Variants in RAB21 observed in about 807,000 individuals in gnomAD.
The protein encoded by RAB21 is RAB21, member RAS oncogene family.
RAB21 carries 13 observed loss-of-function variants against 33.1 expected under a neutral mutation model. That is an observed-to-expected ratio of 0.39 (90% CI 0.26 to 0.62). RAB21 has a LOEUF of 0.62. Ranked by LOEUF, RAB21 falls within the 20% of genes least tolerant of loss-of-function variation. RAB21 has a pLI of 0.48. For missense variants in RAB21, 234 were observed against 279.1 expected, an observed-to-expected ratio of 0.84 and a Z score of 1.15; for synonymous variants, 91 against 103.7, an observed-to-expected ratio of 0.88 and a Z score of 0.74.
chr12:71,759,848 A>G (rs915931118), intron 1 of RAB21, among the ~76,000 whole-genome samples: 2 of 152,208 alleles, frequency 1.3e-5, no homozygotes, highest in African/African-American at 2.4e-5. Flanking sequence ...TCTTACTCCC[A>G]CTTCATAGCC....
intron 1 of RAB21, among the ~76,000 whole-genome samples, chr12:71,763,413 G>A: frequency 6.6e-6 from 1 of 151,894 alleles, no homozygotes. Flanking sequence ...TTTTTTCCCT[G>A]TTATTTCTCT....
At chr12:71,783,809 G>A (rs1358753343) in intron 6 of RAB21, among the ~76,000 whole-genome samples, 5 of 152,138 alleles carry the variant, frequency 3.3e-5, no homozygotes, top group African/African-American at 1.2e-4. Context: ...AAGCACCCAA[G>A]TGGTGGTGAT....
rs536600569 is a variant in RAB21, at chr12:71,797,786, A to G, written c.*12113A>G. 7.1e-6 allele frequency: 1 copy of G among 140,344 alleles called. No individual in the cohort carries two copies. Among genetic ancestry groups the G allele is most frequent in the South Asian group, 2.4e-4 (1 of 4,208 alleles). 8.7% of individuals were successfully genotyped at this position (140,344 alleles called of 1,614,324 possible). A position where few individuals can be genotyped will look rare whatever the true frequency, so the allele number is the denominator to read the frequency against. On this transcript the variant is annotated 3_prime_UTR_variant, in exon 7 of 7. Coordinates refer to ENST00000261263, the MANE Select transcript of RAB21 (RefSeq NM_014999.4). Reference sequence around the variant, plus strand: ...TCAAGCAGAAGGAAAATGAACCCAGATATGGGAATTTAGTGGAGGAGAAGT... The same window carrying G: ...TCAAGCAGAAGGAAAATGAACCCAGGTATGGGAATTTAGTGGAGGAGAAGT...
At chr12:71,757,843 A>G (rs1882807950) in intron 1 of RAB21, among the ~76,000 whole-genome samples, 2 of 152,190 alleles carry the variant, frequency 1.3e-5, no homozygotes, top group Admixed American at 6.5e-5. Context: ...ACATTCTCAT[A>G]CATTTCAAAG....
chr12:71,776,180 A>G (rs1427467692), intron 4 of RAB21, among the ~76,000 whole-genome samples: 1 of 152,230 alleles, frequency 6.6e-6, no homozygotes, highest in Non-Finnish European at 1.5e-5. Flanking sequence ...GAAGATAGAA[A>G]TTACTAACAC....
intron 1 of RAB21, among the ~76,000 whole-genome samples, chr12:71,757,048 C>A (rs1346114281): frequency 6.6e-6 from 1 of 152,138 alleles, no homozygotes. Flanking sequence ...TGATAAATAA[C>A]CCATCTAGTG....
intron 1 of RAB21, among the ~76,000 whole-genome samples, chr12:71,759,651 T>G (rs543743548): frequency 6.6e-6 from 1 of 152,356 alleles, no homozygotes; most frequent in Non-Finnish European, 1.5e-5. Context: ...AAACATTTAC[T>G]CCAGCATTAC....
intron 4 of RAB21, among the ~76,000 whole-genome samples, chr12:71,774,576 TA>T (rs1370124112): frequency 6.6e-6 from 1 of 151,626 alleles, no homozygotes; most frequent in African/African-American, 2.4e-5. Flanking sequence ...CTGGCCAACA[TA>T]GTGAAACCCC....
In RAB21 at chr12:71,790,932, A is replaced by G. The variant is rs1883372252; in HGVS notation, c.*5259A>G. The G allele has an allele frequency of 6.6e-6, 1 of 151,466 alleles. No individual in the cohort carries two copies. The highest frequency in any genetic ancestry group is 2.4e-5 in the African/African-American group (1 of 41,196). The allele number at this position is 151,466 out of a possible 1,614,324, so 9.4% of individuals were successfully genotyped here. On this transcript the variant is annotated 3_prime_UTR_variant, in exon 7 of 7. Coordinates refer to ENST00000261263, the MANE Select transcript of RAB21 (RefSeq NM_014999.4). ...ATAGCCTCTGACTCCATGAAACCTG[A>G]AAAGGAATCTGGTCTGTTAGGTGGA... is the stretch of plus-strand genomic sequence containing the variant.
chr12:71,777,252 G>C (rs747449445), intron 4 of RAB21, among the ~76,000 whole-genome samples: 3 of 151,894 alleles, frequency 2.0e-5, no homozygotes, highest in Non-Finnish European at 4.4e-5. Flanking sequence ...CCTTTTTACT[G>C]CATGAATTAG....
In RAB21 at chr12:71,755,287, A is replaced by G. The variant is rs780785806; in HGVS notation, c.158A>G (p.Gln53Arg). 1 of 1,518,910 alleles carries G rather than the reference A, an allele frequency of 6.6e-7. No homozygotes were observed. Among genetic ancestry groups the G allele is most frequent in the Non-Finnish European group, 8.8e-7 (1 of 1,137,286 alleles). 94.1% of individuals were successfully genotyped at this position (1,518,910 alleles called of 1,614,324 possible). The change falls in exon 1 of 7, where the codon CAG becomes CGG. Residue 53 changes from glutamine to arginine, a missense_variant and splice_region_variant. Physicochemically the swap from Gln to Arg is conservative, Grantham distance 43. Coordinates refer to ENST00000261263, the MANE Select transcript of RAB21 (RefSeq NM_014999.4). ...AACGACAAGCACATCACCACTCTGC[A>G]GGTGCGGACCTCGGGGAGCGGGAGG... The part of the protein sequence containing the change: ...KFNDKHITTL[Q>R]ASFLTKKLNI...
At position 71,789,449 on chromosome 12, in the gene RAB21, C is replaced by G. The variant is rs1371694705; in HGVS notation, c.*3776C>G. The G allele has an allele frequency of 6.6e-6, 1 of 152,074 alleles. No homozygotes were observed. Among genetic ancestry groups the G allele is most frequent in the East Asian group, 1.9e-4 (1 of 5,202 alleles). The allele number at this position is 152,074 out of a possible 1,614,324, so 9.4% of individuals were successfully genotyped here. A position where few individuals can be genotyped will look rare whatever the true frequency, so the allele number is the denominator to read the frequency against. On this transcript the variant is annotated 3_prime_UTR_variant, in exon 7 of 7. Coordinates refer to ENST00000261263, the MANE Select transcript of RAB21 (RefSeq NM_014999.4). ...AAAGTAGTTTGATCTGTGCCTTTAA[C>G]TTTTAGAATTCATCTTTTGACTTGT...
intron 1 of RAB21, among the ~76,000 whole-genome samples, chr12:71,759,452 A>C (rs552796754): frequency 9.8e-4 from 150 of 152,366 alleles, no homozygotes; most frequent in African/African-American, 3.4e-3. Context: ...CATGACCAGA[A>C]GTGCAATTTT....
Position 71,787,295 on chromosome 12 carries a change from T to C in RAB21, c.*1622T>C, listed in dbSNP as rs981659998. 1 of 152,224 alleles carries C rather than the reference T, an allele frequency of 6.6e-6. No homozygotes were observed. Among genetic ancestry groups the C allele is most frequent in the African/African-American group, 2.4e-5 (1 of 41,462 alleles). The allele number at this position is 152,224 out of a possible 1,614,324, so 9.4% of individuals were successfully genotyped here. ...AGCATAAGACTGAACTTAAATGTGT[T>C]AATTTTAGTAGAATCAGGCACTGCT... On this transcript the variant is annotated 3_prime_UTR_variant, in exon 7 of 7. Transcript: ENST00000261263.
intron 1 of RAB21, among the ~76,000 whole-genome samples, chr12:71,758,810 ATGTAATCAT>A (rs777602295): frequency 1.3e-5 from 2 of 152,162 alleles, no homozygotes; most frequent in African/African-American, 2.4e-5. Context: ...TCTAGGCACT[ATGTAATCAT>A]TGTCCTTTCC....
intron 2 of RAB21, 104 bp downstream of exon 2, chr12:71,769,963 A>G: frequency 6.1e-6 from 3 of 490,008 alleles, no homozygotes; most frequent in Non-Finnish European, 1.0e-5. Flanking sequence ...TTTTTAATTA[A>G]AAAGAATCTT....
intron 1 of RAB21, among the ~76,000 whole-genome samples, chr12:71,768,869 A>G (rs1882999206): frequency 6.6e-6 from 1 of 152,166 alleles, no homozygotes; most frequent in South Asian, 2.1e-4. Context: ...CAGCATCCTA[A>G]TGTGTTAATG....
At position 71,792,201 on chromosome 12, in the gene RAB21, A is replaced by T. The variant is rs1883395933; in HGVS notation, c.*6528A>T. On this transcript the variant is annotated 3_prime_UTR_variant, in exon 7 of 7. Coordinates refer to ENST00000261263, the MANE Select transcript of RAB21 (RefSeq NM_014999.4). ...ATCATACTCTTTTAAAGCAAGTTAA[A>T]TCAGCAGTAATAGTTCTGGAACTAG... is the stretch of plus-strand genomic sequence containing the variant. 2 of 152,208 alleles carry T rather than the reference A, an allele frequency of 1.3e-5. No homozygotes were observed. Among genetic ancestry groups the T allele is most frequent in the African/African-American group, 2.4e-5 (1 of 41,450 alleles). 9.4% of individuals were successfully genotyped at this position (152,208 alleles called of 1,614,324 possible).
chr12:71,755,103 G>C lies in RAB21; in HGVS notation c.-27G>C. ...CTGTCGGGAGGGCGGCGCGACACTC[G>C]GGCTCGGGCGGCCGGGAAGCGACGG... On this transcript the variant is annotated 5_prime_UTR_variant, in exon 1 of 7. Coordinates refer to ENST00000261263, the MANE Select transcript of RAB21 (RefSeq NM_014999.4). 1.8e-6 allele frequency: 2 copies of C among 1,119,214 alleles called. No individual in the cohort carries two copies. Among genetic ancestry groups the C allele is most frequent in the Non-Finnish European group, 2.2e-6 (2 of 918,866 alleles). 69.3% of individuals were successfully genotyped at this position (1,119,214 alleles called of 1,614,324 possible).
Sources: allele counts gnomAD v4.1 joint callset (sites outside exome capture counted in the v4.1 genomes callset), GRCh38; gene constraint gnomAD v4.1.1; transcripts MANE v1.5; gene names NCBI Gene and HGNC (gene_info 2026-07-23, HGNC 2026-07-21).